AACS: variants seen among roughly 807,000 people sequenced by gnomAD.
The protein encoded by AACS is acetoacetyl-CoA synthetase.
A neutral mutation model predicts 83.1 loss-of-function variants in AACS; 69 were observed. The observed-to-expected ratio is 0.83, with a 90% CI of 0.68 to 1.01. The LOEUF (loss-of-function observed/expected upper bound fraction) is 1.01. AACS is among the 50% of genes least tolerant of loss of function. The pLI is 0.00. For missense variants in AACS, 866 were observed against 882.2 expected, an observed-to-expected ratio of 0.98 and a Z score of 0.23; for synonymous variants, 333 against 343.4, an observed-to-expected ratio of 0.97 and a Z score of 0.33.
intron 12 of AACS, chr12:125,126,023 T>A (rs1053515609): frequency 4.0e-5 from 6 of 151,678 alleles, no homozygotes; most frequent in Admixed American, 2.6e-4. Context: ...GTGGGTGCGA[T>A]CTCAGCTCAC....
chr12:125,123,091 T>TCAGGGTTTGCAGAGTCTTGCC (rs1957182346), intron 10 of AACS: 1 of 152,196 alleles, frequency 6.6e-6, no homozygotes, highest in African/African-American at 2.4e-5. Flanking sequence ...TTCACCAAGA[T>TCAGGGTTTGCAGAGTCTTGCC]CAGGGTTTGC....
At chr12:125,076,131 G>A (rs1041140272) in intron 2 of AACS, among the ~76,000 whole-genome samples, 2 of 152,238 alleles carry the variant, frequency 1.3e-5, no homozygotes, top group African/African-American at 4.8e-5. Context: ...GCAAGGGGCA[G>A]GTGGTCCTGG....
chr12:125,114,678 TCCCCAGG>T (rs1957018946), intron 9 of AACS, 121 bp downstream of exon 9: 1 of 642,230 alleles, frequency 1.6e-6, no homozygotes, highest in Non-Finnish European at 2.4e-6. Flanking sequence ...GGTAAGGGCT[TCCCCAGG>T]TGCTGGCCTG....
chr12:125,108,467 A>T (rs1291411346), intron 8 of AACS, among the ~76,000 whole-genome samples: 3 of 152,178 alleles, frequency 2.0e-5, no homozygotes, highest in African/African-American at 7.2e-5. Context: ...TTAAAGGCCC[A>T]TTTAGTCACA....
intron 5 of AACS, among the ~76,000 whole-genome samples, chr12:125,099,214 T>C (rs1956671590): frequency 1.3e-5 from 2 of 151,992 alleles, no homozygotes; most frequent in Non-Finnish European, 2.9e-5. Context: ...TGGTCTGTAA[T>C]CTCTCTCTCT....
At chr12:125,076,328 A>T (rs907860064) in intron 2 of AACS, among the ~76,000 whole-genome samples, 163 bp from the exon 3 acceptor site, 2 of 152,202 alleles carry the variant, frequency 1.3e-5, no homozygotes, top group African/African-American at 2.4e-5. Flanking sequence ...GCCAGTTCAG[A>T]GTTCAGTCCA....
In AACS at chr12:125,129,551, T is replaced by G; in HGVS notation, c.1549+91T>G. ...TCTGTACCATCGTGCCCCTCCCCTCTTCCTTCCCCCACCAGGGCTTGGAGA... is the reference window on the plus strand; with the variant it reads ...TCTGTACCATCGTGCCCCTCCCCTCGTCCTTCCCCCACCAGGGCTTGGAGA... On this transcript the variant is annotated intron_variant, in intron 14 of 17. Coordinates refer to ENST00000316519, the MANE Select transcript of AACS (RefSeq NM_023928.5). The surrounding 1 kb of genome is among the most constrained non-coding windows in gnomAD (Gnocchi z 4.3). 1 of 1,471,404 alleles carries G rather than the reference T, an allele frequency of 6.8e-7. No individual in the cohort carries two copies. 91.1% of individuals were successfully genotyped at this position (1,471,404 alleles called of 1,614,324 possible).
intron 5 of AACS, chr12:125,092,445 T>A (rs1956507336): frequency 6.6e-6 from 1 of 152,346 alleles, no homozygotes; most frequent in Non-Finnish European, 1.5e-5. Context: ...ACTTAGAGGC[T>A]TGCTTTTTCA....
Position 125,113,966 on chromosome 12 carries a change from A to T in AACS, c.916-511A>T, listed in dbSNP as rs1043437722. On this transcript the variant is annotated intron_variant, in intron 8 of 17. Transcript: ENST00000316519. The surrounding 1 kb of genome is among the most constrained non-coding windows in gnomAD (Gnocchi z 4.8). ...GGGTCTTGTGCTGTCCCCTCAGCTG[A>T]GGCATTCCTGAAATCCGATCTTGAA... Among the ~76,000 whole-genome samples, 3 of 151,994 alleles carry T rather than the reference A, an allele frequency of 2.0e-5. No individual in the cohort carries two copies. The highest frequency in any genetic ancestry group is 7.3e-5 in the African/African-American group (3 of 41,370).
chr12:125,103,448 CACG>C (rs67294921), intron 7 of AACS, among the ~76,000 whole-genome samples: 16,537 of 129,902 alleles, frequency 0.13, 1,510 homozygotes, highest in African/African-American at 0.29. Context: ...CACGCATGCA[CACG>C]ACAAGGCACA....
At chr12:125,072,201 A>G (rs1437105162) in intron 1 of AACS, among the ~76,000 whole-genome samples, 3 of 145,218 alleles carry the variant, frequency 2.1e-5, no homozygotes, top group Non-Finnish European at 1.5e-5. Context: ...TCGCCCACCC[A>G]GGCTGGAGTG....
At chr12:125,066,350 C>G (rs1955693756) in intron 1 of AACS, among the ~76,000 whole-genome samples, 2 of 151,846 alleles carry the variant, frequency 1.3e-5, no homozygotes, top group South Asian at 4.2e-4. Flanking sequence ...GCTCCTTCTC[C>G]GTGGGGTAAC....
chr12:125,103,185 A>G, intron 7 of AACS, 104 bp downstream of exon 7: 2 of 959,594 alleles, frequency 2.1e-6, no homozygotes, highest in Non-Finnish European at 3.2e-6. Context: ...AGAGAATTTT[A>G]GAAGTGGAGG....
At position 125,128,514 on chromosome 12, in the gene AACS, C is replaced by T. The variant is rs563065772; in HGVS notation, c.1423+240C>T. 1.7e-5 allele frequency: 6 copies of T among 347,920 alleles called. No homozygotes were observed. In the South Asian group the frequency reaches 4.3e-4, roughly 25 times the overall value. 21.6% of individuals were successfully genotyped at this position (347,920 alleles called of 1,614,324 possible). A position where few individuals can be genotyped will look rare whatever the true frequency, so the allele number is the denominator to read the frequency against. On this transcript the variant is annotated intron_variant, in intron 13 of 17. Transcript: ENST00000316519. ...GAGGACAGGTGGAGAGATGTGTGCT[C>T]GGGAACAGTGGGCAGGTGGGTGGTC... is the stretch of plus-strand genomic sequence containing the variant.
In AACS at chr12:125,136,804, C is replaced by A. The variant is rs771501776; in HGVS notation, c.1821C>A (p.Ile607=). 1 of 1,614,112 alleles carries A rather than the reference C, an allele frequency of 6.2e-7. No individual in the cohort carries two copies. Among genetic ancestry groups the A allele is most frequent in the Non-Finnish European group, 8.5e-7 (1 of 1,180,048 alleles). The change falls in exon 17 of 18, where the codon ATC becomes ATA. Residue 607 remains isoleucine (I), a synonymous_variant. Coordinates refer to ENST00000316519, the MANE Select transcript of AACS (RefSeq NM_023928.5). The part of the protein sequence containing the change: ...PDLVKRIRDA[I]RMGLSARHVP... ...TGGTTAAGAGGATCCGTGACGCCAT[C>A]CGCATGGGCTTGTCTGCGCGACACG...
At chr12:125,114,901 C>T (rs951421923) in intron 9 of AACS, among the ~76,000 whole-genome samples, 25 of 150,888 alleles carry the variant, frequency 1.7e-4, no homozygotes, top group African/African-American at 3.9e-4. Flanking sequence ...AGGGCTTCCC[C>T]GGGCGCTGGC....
intron 5 of AACS, chr12:125,101,560 G>A (rs1408777139): frequency 1.3e-5 from 2 of 152,198 alleles, no homozygotes; most frequent in East Asian, 3.8e-4. Flanking sequence ...CTCTTTGGAA[G>A]ATGAATCTTC....
intron 17 of AACS, chr12:125,139,562 G>C (rs1424359607): frequency 2.6e-5 from 4 of 152,368 alleles, no homozygotes; most frequent in Non-Finnish European, 5.9e-5. Context: ...CCGTGCCTCT[G>C]TTTCTGTGCT....
chr12:125,142,021 A>G, intron 17 of AACS, 71 bp from the exon 18 acceptor site: 1 of 1,587,982 alleles, frequency 6.3e-7, no homozygotes, highest in Non-Finnish European at 8.6e-7. Context: ...TGGGGCCTGG[A>G]TATATCCAGG....
Sources: gnomAD v4.1 joint callset for allele counts (sites outside exome capture counted in the v4.1 genomes callset) on GRCh38, gnomAD v4.1.1 for gene constraint, Gnocchi (gnomAD v3.1) non-coding constraint, MANE v1.5 for transcripts, NCBI Gene and HGNC (gene_info 2026-07-23, HGNC 2026-07-21) for gene names.